The following AKT3 variants were observed in gnomAD, a reference collection of about 807,000 sequenced individuals.
AKT3 encodes the protein AKT serine/threonine kinase 3, also known as RAC-gamma serine/threonine-protein kinase.
Under a neutral mutation model 65.3 loss-of-function variants are expected in AKT3, and 15 were observed. That is an observed-to-expected ratio of 0.23 (90% CI 0.15 to 0.35). AKT3 has a LOEUF of 0.35. Ranked by LOEUF, AKT3 falls within the 10% of genes least tolerant of loss-of-function variation. The pLI is 1.00. For missense variants in AKT3, 243 were observed against 576.5 expected (o/e 0.42, Z 5.92); for synonymous variants, 206 against 183.8 (o/e 1.12, Z -0.98).
chr1:243,736,697 AAGCC>A, intron 2 of AKT3, among the ~76,000 whole-genome samples: 1 of 152,180 alleles, frequency 6.6e-6, no homozygotes, highest in East Asian at 1.9e-4. Context: ...AAAGAAATGG[AAGCC>A]TAACAAAATG....
chr1:243,832,665 C>A (rs1356756373), intron 2 of AKT3, among the ~76,000 whole-genome samples: 2 of 152,088 alleles, frequency 1.3e-5, no homozygotes, highest in Non-Finnish European at 2.9e-5. Context: ...CTCTCCCATT[C>A]CTTGAAACTA....
At chr1:243,681,545 T>G (rs1209625067) in intron 3 of AKT3, among the ~76,000 whole-genome samples, 1 of 152,148 alleles carries the variant, frequency 6.6e-6, no homozygotes, top group Non-Finnish European at 1.5e-5. Context: ...GTTCCTTTGC[T>G]CTAGCAGAAA....
intron 4 of AKT3, among the ~76,000 whole-genome samples, chr1:243,659,102 A>G (rs1441605478): frequency 6.6e-6 from 1 of 152,166 alleles, no homozygotes; most frequent in African/African-American, 2.4e-5. Flanking sequence ...AAAAGAAGAA[A>G]ATCCTCTAAT....
At chr1:243,488,366 C>CA (rs1665509164) in exon 14 of AKT3, 1 of 153,864 alleles carries the variant, frequency 6.5e-6, no homozygotes, top group Admixed American at 6.4e-5. Context: ...CTTTCCAGAA[C>CA]ACTTCTGGGT....
rs578020490 is a variant in AKT3 at position 243,523,944 on chromosome 1, G to C, written c.1252-11518C>G. On this transcript the variant is annotated intron_variant, in intron 12 of 13. Transcript: ENST00000673466. ...ATGACAGGGGTCTCTTCTGAGAAAT[G>C]CATGTTAGTTGATTGTGTCATTGTC... Among the ~76,000 whole-genome samples, 24 of 152,276 alleles carry C rather than the reference G, an allele frequency of 1.6e-4. No individual in the cohort carries two copies. The East Asian group carries it at 4.6e-3, about 29-fold the overall frequency.
intron 5 of AKT3, among the ~76,000 whole-genome samples, chr1:243,641,979 T>C (rs1442789307): frequency 6.6e-6 from 1 of 151,982 alleles, no homozygotes; most frequent in Non-Finnish European, 1.5e-5. Flanking sequence ...ATTGCAATTC[T>C]TAGGAACAAT....
chr1:243,572,139 C>T (rs1457414323), intron 9 of AKT3, among the ~76,000 whole-genome samples: 1 of 152,192 alleles, frequency 6.6e-6, no homozygotes, highest in African/African-American at 2.4e-5. Context: ...CAACCTAATT[C>T]ATAACACTGT....
At chr1:243,656,253 T>C (rs576820722) in intron 4 of AKT3, among the ~76,000 whole-genome samples, 36 of 152,232 alleles carry the variant, frequency 2.4e-4, no homozygotes, top group Non-Finnish European at 4.6e-4. Flanking sequence ...ATGAAACAAG[T>C]ACATTAATCT....
intron 2 of AKT3, among the ~76,000 whole-genome samples, chr1:243,771,228 A>G (rs1690166505): frequency 6.6e-6 from 1 of 151,980 alleles, no homozygotes; most frequent in Admixed American, 6.6e-5. Context: ...TTCCTTTCCT[A>G]TTGCTCCCAC....
At chr1:243,537,141 T>A (rs766330045) in intron 12 of AKT3, among the ~76,000 whole-genome samples, 20 of 152,136 alleles carry the variant, frequency 1.3e-4, no homozygotes, top group Non-Finnish European at 2.5e-4. Context: ...CAAAAATGTG[T>A]CCTCAAACCA....
At chr1:243,518,848 A>G (rs2148380812) in intron 12 of AKT3, among the ~76,000 whole-genome samples, 1 of 152,366 alleles carries the variant, frequency 6.6e-6, no homozygotes, top group East Asian at 1.9e-4. Context: ...ACATGACTGT[A>G]CAGGATCAAG....
intron 2 of AKT3, among the ~76,000 whole-genome samples, chr1:243,743,584 T>TA: frequency 6.6e-6 from 1 of 152,232 alleles, no homozygotes; most frequent in African/African-American, 2.4e-5. Flanking sequence ...ATAACTAATT[T>TA]ACAACAGCCC....
chr1:243,702,246 C>A (rs1011766298), intron 2 of AKT3, among the ~76,000 whole-genome samples: 6 of 151,972 alleles, frequency 3.9e-5, no homozygotes, highest in African/African-American at 1.4e-4. Flanking sequence ...GTGATCAATA[C>A]GAGGTCAACA....
intron 2 of AKT3, among the ~76,000 whole-genome samples, chr1:243,723,220 C>T (rs1407926407): frequency 6.6e-6 from 1 of 152,132 alleles, no homozygotes; most frequent in African/African-American, 2.4e-5. Context: ...AAATCAGGAG[C>T]ATCTGTCCAC....
intron 2 of AKT3, among the ~76,000 whole-genome samples, chr1:243,781,059 C>T (rs1402009620): frequency 6.6e-6 from 1 of 151,990 alleles, no homozygotes; most frequent in Non-Finnish European, 1.5e-5. Context: ...CTATGGCATA[C>T]TCCTACACTC....
chr1:243,625,303 C>T (rs320314), intron 6 of AKT3, among the ~76,000 whole-genome samples: 126,074 of 151,630 alleles, frequency 0.83, 52,554 homozygotes, highest in Non-Finnish European at 0.86. Context: ...AGCTAATTTT[C>T]TGTATTTTTA....
At chr1:243,691,070 G>A (rs1425027622) in intron 3 of AKT3, among the ~76,000 whole-genome samples, 1 of 152,066 alleles carries the variant, frequency 6.6e-6, no homozygotes, top group Admixed American at 6.5e-5. Flanking sequence ...ATTTAAGAAG[G>A]GCAGAGAGGA....
chr1:243,571,169 T>C (rs1376050784), intron 9 of AKT3, among the ~76,000 whole-genome samples: 2 of 152,056 alleles, frequency 1.3e-5, no homozygotes, highest in Non-Finnish European at 2.9e-5. Context: ...ATACAAAAAT[T>C]AGCTGGGCGT....
intron 3 of AKT3, among the ~76,000 whole-genome samples, chr1:243,670,972 T>C (rs1683118584): frequency 6.6e-6 from 1 of 152,206 alleles, no homozygotes; most frequent in Admixed American, 6.5e-5. Context: ...TAGATTAAAA[T>C]GTTTAAAGGT....
Sources: allele counts gnomAD v4.1 joint callset (sites outside exome capture counted in the v4.1 genomes callset), GRCh38; gene constraint gnomAD v4.1.1; transcripts MANE v1.5; gene names NCBI Gene and HGNC (gene_info 2026-07-23, HGNC 2026-07-21).